The following DYM variants were observed in gnomAD, a reference collection of about 807,000 sequenced individuals.
DYM encodes dyggve-Melchior-Clausen syndrome protein.
DYM carries 78 observed loss-of-function variants against 93.1 expected under a neutral mutation model. That is an observed-to-expected ratio of 0.84 (90% confidence interval 0.70 to 1.01). The LOEUF (loss-of-function observed/expected upper bound fraction) is 1.01. DYM is among the 50% of genes least tolerant of loss of function. The probability of loss-of-function intolerance (pLI) is 0.00; values close to 1 mark genes in which losing one functional copy is unlikely to be tolerated. For synonymous variants in DYM, 321 were observed against 319.7 expected, an observed-to-expected ratio of 1.00 and a Z score of -0.04; for missense variants, 789 against 845.0, an observed-to-expected ratio of 0.93 and a Z score of 0.82.
chr18:49,089,099 C>T (rs2145368313), intron 17 of DYM, among the ~76,000 whole-genome samples: 1 of 152,232 alleles, frequency 6.6e-6, no homozygotes, highest in East Asian at 1.9e-4. Context: ...CACCTGGCTC[C>T]AAAGAACTCC....
At chr18:49,390,552 G>T (rs1015063461) in intron 3 of DYM, among the ~76,000 whole-genome samples, 5 of 151,814 alleles carry the variant, frequency 3.3e-5, no homozygotes, top group African/African-American at 1.2e-4. Flanking sequence ...CTGTCGCCCA[G>T]GCTGGAGTGC....
intron 16 of DYM, among the ~76,000 whole-genome samples, chr18:49,108,959 C>G (rs761938425): frequency 5.9e-5 from 9 of 151,938 alleles, no homozygotes; most frequent in African/African-American, 1.9e-4. Context: ...CATGGAGTCC[C>G]TCTTTATCCC....
At chr18:49,045,884 G>A (rs1192236552) in intron 17 of DYM, among the ~76,000 whole-genome samples, 1 of 152,152 alleles carries the variant, frequency 6.6e-6, no homozygotes, top group Admixed American at 6.5e-5. Flanking sequence ...TGAAGGGCCT[G>A]AAGGCTAAGG....
intron 9 of DYM, among the ~76,000 whole-genome samples, 186 bp downstream of exon 9, chr18:49,286,248 A>G (rs565128104): frequency 3.2e-4 from 49 of 152,302 alleles, no homozygotes; most frequent in African/African-American, 1.1e-3. Context: ...GATATAAAGG[A>G]TCAGATATAA....
At chr18:49,392,215 A>G (rs191530612) in intron 2 of DYM, among the ~76,000 whole-genome samples, 1 of 152,342 alleles carries the variant, frequency 6.6e-6, no homozygotes, top group Non-Finnish European at 1.5e-5. Flanking sequence ...TGACACAGAG[A>G]AAAGAGGCAC....
At chr18:49,337,774 A>G (rs190583925) in intron 6 of DYM, among the ~76,000 whole-genome samples, 2 of 152,354 alleles carry the variant, frequency 1.3e-5, no homozygotes, top group Admixed American at 6.5e-5. Flanking sequence ...GAACACAGAG[A>G]TAACAGCAAC....
intron 14 of DYM, among the ~76,000 whole-genome samples, chr18:49,204,803 A>T (rs1442886727): frequency 6.6e-6 from 1 of 152,220 alleles, no homozygotes; most frequent in Non-Finnish European, 1.5e-5. Context: ...CAAAATTCTA[A>T]ATTTGATTTC....
At chr18:49,088,140 T>G (rs1157492718) in intron 17 of DYM, among the ~76,000 whole-genome samples, 1 of 152,204 alleles carries the variant, frequency 6.6e-6, no homozygotes, top group Non-Finnish European at 1.5e-5. Flanking sequence ...TTTGTCAATT[T>G]TGGCTTTTGT....
chr18:49,207,299 C>T (rs1183040734), intron 14 of DYM, among the ~76,000 whole-genome samples: 1 of 152,102 alleles, frequency 6.6e-6, no homozygotes, highest in African/African-American at 2.4e-5. Flanking sequence ...ATAGTGTTTA[C>T]CCCCAGAAGG....
At chr18:49,219,250 T>A (rs1181537219) in intron 13 of DYM, among the ~76,000 whole-genome samples, 1 of 152,150 alleles carries the variant, frequency 6.6e-6, no homozygotes, top group Non-Finnish European at 1.5e-5. Context: ...GATCTGAAAT[T>A]GTGGCAATAA....
intron 15 of DYM, among the ~76,000 whole-genome samples, chr18:49,144,272 T>G (rs767208154): frequency 6.6e-6 from 1 of 151,796 alleles, no homozygotes; most frequent in Non-Finnish European, 1.5e-5. Flanking sequence ...AGAAAATTGG[T>G]AGCTAAATTT....
intron 10 of DYM, among the ~76,000 whole-genome samples, chr18:49,277,483 C>A (rs1458480181): frequency 6.6e-6 from 1 of 152,078 alleles, no homozygotes; most frequent in Non-Finnish European, 1.5e-5. Context: ...CACGTTTGGG[C>A]CCCCAAAATT....
At chr18:49,219,813 A>C (rs1008670225) in intron 13 of DYM, among the ~76,000 whole-genome samples, 57 of 151,738 alleles carry the variant, frequency 3.8e-4, no homozygotes, top group Non-Finnish European at 6.3e-4. Context: ...CTGAATGGGC[A>C]AAAACTGGAA....
chr18:49,335,118 A>T (rs1455243171), intron 6 of DYM, among the ~76,000 whole-genome samples: 1 of 152,198 alleles, frequency 6.6e-6, no homozygotes, highest in Non-Finnish European at 1.5e-5. Flanking sequence ...AAAAACAAAA[A>T]ATAAAGAAAG....
intron 2 of DYM, among the ~76,000 whole-genome samples, chr18:49,398,674 T>C (rs993503170): frequency 6.6e-6 from 1 of 152,236 alleles, no homozygotes; most frequent in Non-Finnish European, 1.5e-5. Flanking sequence ...GTTCCTGATC[T>C]TGGATTCTAT....
intron 14 of DYM, among the ~76,000 whole-genome samples, chr18:49,206,229 A>C (rs1334901130): frequency 6.6e-6 from 1 of 151,940 alleles, no homozygotes; most frequent in Non-Finnish European, 1.5e-5. Context: ...CGATCTCCTG[A>C]CCTTATGATC....
intron 13 of DYM, among the ~76,000 whole-genome samples, chr18:49,215,292 G>C (rs190971831): frequency 7.9e-5 from 12 of 152,046 alleles, no homozygotes; most frequent in Non-Finnish European, 4.4e-5. Flanking sequence ...CAGATTCCTC[G>C]TCAGTCTTAT....
chr18:49,157,307 G>C (rs534366796), intron 15 of DYM, among the ~76,000 whole-genome samples: 4 of 152,086 alleles, frequency 2.6e-5, no homozygotes, highest in Non-Finnish European at 5.9e-5. Flanking sequence ...AGAGCTCAGA[G>C]ACAGTTCCAT....
chr18:49,447,757 T>C (rs1342173320), intron 1 of DYM, among the ~76,000 whole-genome samples: 1 of 152,180 alleles, frequency 6.6e-6, no homozygotes, highest in Non-Finnish European at 1.5e-5. Context: ...TCTCTTATCC[T>C]CTCTGTATGA....
Sources: allele counts gnomAD v4.1 joint callset (sites outside exome capture counted in the v4.1 genomes callset), GRCh38; gene constraint gnomAD v4.1.1; transcripts MANE v1.5; gene names NCBI Gene and HGNC (gene_info 2026-07-23, HGNC 2026-07-21).